The following THSD7A variants were observed in gnomAD, a reference collection of about 807,000 sequenced individuals.
THSD7A encodes the protein thrombospondin type 1 domain containing 7A.
A neutral mutation model predicts 231.3 loss-of-function variants in THSD7A; 96 were observed. The observed-to-expected ratio is 0.41, with a 90% CI of 0.35 to 0.49. The LOEUF (loss-of-function observed/expected upper bound fraction) is 0.49. Among genes scored for constraint, THSD7A ranks in the 20% least tolerant of loss-of-function variants. THSD7A has a pLI of 0.05. For missense variants in THSD7A, 2,290 were observed against 2,070.2 expected (o/e 1.11, Z -2.06); for synonymous variants, 940 against 743.3 (o/e 1.26, Z -4.30).
chr7:11,410,398 T>C (rs939353380), intron 19 of THSD7A: 4 of 152,192 alleles, frequency 2.6e-5, no homozygotes, highest in African/African-American at 9.6e-5. Context: ...GGTGTCTGTG[T>C]ATACTAAACT....
At chr7:11,681,417 G>C (rs556790394) in intron 1 of THSD7A, among the ~76,000 whole-genome samples, 16 of 151,838 alleles carry the variant, frequency 1.1e-4, no homozygotes, top group Non-Finnish European at 1.6e-4. Flanking sequence ...GAACCAAACA[G>C]AACTTACGGA....
At chr7:11,802,598 G>C (rs965715428) in intron 1 of THSD7A, among the ~76,000 whole-genome samples, 1 of 152,108 alleles carries the variant, frequency 6.6e-6, no homozygotes. Context: ...CAGAAAATAA[G>C]TTATATATTC....
At chr7:11,754,444 T>A (rs1279213143) in intron 1 of THSD7A, among the ~76,000 whole-genome samples, 2 of 152,064 alleles carry the variant, frequency 1.3e-5, no homozygotes, top group Non-Finnish European at 2.9e-5. Context: ...AGAAAATACA[T>A]CCTTTTAAGC....
chr7:11,684,822 C>A (rs1452263777), intron 1 of THSD7A, among the ~76,000 whole-genome samples: 1 of 151,918 alleles, frequency 6.6e-6, no homozygotes, highest in Non-Finnish European at 1.5e-5. Flanking sequence ...AGATTCTAAG[C>A]AATTCCTATC....
chr7:11,569,940 G>C (rs975235194), intron 4 of THSD7A, among the ~76,000 whole-genome samples: 1 of 152,174 alleles, frequency 6.6e-6, no homozygotes, highest in African/African-American at 2.4e-5. Flanking sequence ...GGGAGGCTGA[G>C]GTGGGTAGAT....
intron 1 of THSD7A, among the ~76,000 whole-genome samples, chr7:11,719,122 T>A (rs959989405): frequency 6.6e-6 from 1 of 151,564 alleles, no homozygotes; most frequent in Non-Finnish European, 1.5e-5. Context: ...TCATTTTTCA[T>A]CCCCCAGAAA....
chr7:11,655,703 TA>T (rs1369089514), intron 1 of THSD7A, among the ~76,000 whole-genome samples: 6 of 151,850 alleles, frequency 4.0e-5, no homozygotes, highest in African/African-American at 1.5e-4. Context: ...CTTTTTGAAA[TA>T]AAAAAGACAA....
chr7:11,603,947 G>A (rs1210482652), intron 2 of THSD7A, among the ~76,000 whole-genome samples: 1 of 151,338 alleles, frequency 6.6e-6, no homozygotes, highest in Non-Finnish European at 1.5e-5. Flanking sequence ...GTTAGTGGGT[G>A]CAGTGCACCA....
chr7:11,669,318 G>A (rs868302516), intron 1 of THSD7A, among the ~76,000 whole-genome samples: 4 of 151,720 alleles, frequency 2.6e-5, no homozygotes, highest in East Asian at 1.9e-4. Context: ...ACTTTTTTTC[G>A]GACATCAATA....
chr7:11,401,365 C>T (rs368495281), intron 23 of THSD7A, among the ~76,000 whole-genome samples: 9 of 152,196 alleles, frequency 5.9e-5, no homozygotes, highest in African/African-American at 1.7e-4. Context: ...CAGAATCTTC[C>T]CCTTACTTTA....
intron 23 of THSD7A, among the ~76,000 whole-genome samples, chr7:11,390,464 T>C (rs928683821): frequency 2.0e-5 from 3 of 152,258 alleles, no homozygotes; most frequent in Admixed American, 6.5e-5. Flanking sequence ...AGGTCATTTA[T>C]GTTGTTATCT....
chr7:11,507,953 T>C lies in THSD7A; in HGVS notation c.1823-25971A>G, dbSNP rs10249723. On this transcript the variant is annotated intron_variant, in intron 6 of 27. Transcript: ENST00000423059. Reference sequence around the variant, plus strand: ...GGTTTAATTGACTCACAGTTCTGCATGGCAAGGGAGGCCTCAGGAAACTTA... The same window carrying C: ...GGTTTAATTGACTCACAGTTCTGCACGGCAAGGGAGGCCTCAGGAAACTTA... 7.2e-3 allele frequency among the ~76,000 whole-genome samples: 1,100 copies of C among 152,320 alleles called. 12 individuals carry two copies. Among genetic ancestry groups the C allele is most frequent in the African/African-American group, 0.026 (1,067 of 41,572 alleles).
intron 6 of THSD7A, among the ~76,000 whole-genome samples, chr7:11,500,766 C>T (rs1787299074): frequency 6.6e-6 from 1 of 151,972 alleles, no homozygotes; most frequent in Admixed American, 6.6e-5. Context: ...GAAAACCCAT[C>T]TCTACTAAAA....
chr7:11,564,938 G>C (rs1790241424), intron 4 of THSD7A, among the ~76,000 whole-genome samples: 1 of 152,164 alleles, frequency 6.6e-6, no homozygotes, highest in Non-Finnish European at 1.5e-5. Flanking sequence ...ATCATTGTTA[G>C]AATTTAAATT....
chr7:11,774,487 TACACACAC>T (rs71830837), intron 1 of THSD7A, among the ~76,000 whole-genome samples: 3,632 of 148,964 alleles, frequency 0.024, 101 homozygotes, highest in African/African-American at 0.06. Flanking sequence ...TAAGCATTCT[TACACACAC>T]ACACACACAC....
chr7:11,670,074 C>T (rs577594966), intron 1 of THSD7A, among the ~76,000 whole-genome samples: 4 of 152,050 alleles, frequency 2.6e-5, no homozygotes, highest in South Asian at 2.1e-4. Context: ...ATTTAACAGG[C>T]GTGCAAAAAA....
At chr7:11,382,098 G>A (rs1782539612) in intron 24 of THSD7A, among the ~76,000 whole-genome samples, 1 of 151,986 alleles carries the variant, frequency 6.6e-6, no homozygotes, top group African/African-American at 2.4e-5. Flanking sequence ...CAAGGTATTT[G>A]GATTTGTATA....
chr7:11,602,348 A>G (rs116970070), intron 2 of THSD7A, among the ~76,000 whole-genome samples: 1,565 of 152,182 alleles, frequency 0.01, 11 homozygotes, highest in East Asian at 0.037. Context: ...TAATTTTTCA[A>G]TACCCCAAAC....
intron 23 of THSD7A, among the ~76,000 whole-genome samples, chr7:11,400,001 A>G (rs950237534): frequency 3.3e-5 from 5 of 152,058 alleles, no homozygotes; most frequent in Non-Finnish European, 7.4e-5. Flanking sequence ...ATGAGTTCAT[A>G]TCCTTTGTAG....
Sources: allele counts gnomAD v4.1 joint callset (sites outside exome capture counted in the v4.1 genomes callset), GRCh38; gene constraint gnomAD v4.1.1; transcripts MANE v1.5; gene names NCBI Gene and HGNC (gene_info 2026-07-23, HGNC 2026-07-21).